The following HCRTR2 variants were observed in gnomAD, a reference collection of about 807,000 sequenced individuals.
The protein encoded by HCRTR2 is orexin receptor type 2.
A neutral mutation model predicts 49.0 loss-of-function variants in HCRTR2; 22 were observed. The ratio of observed to expected loss-of-function variants is 0.45; its 90% CI spans 0.32 to 0.64. The LOEUF (loss-of-function observed/expected upper bound fraction) is 0.64, where lower values mean the gene tolerates loss of function less well. Ranked by LOEUF, HCRTR2 falls within the 30% of genes least tolerant of loss-of-function variation. HCRTR2 has a pLI of 0.04. For missense variants in HCRTR2, 491 were observed against 559.4 expected (o/e 0.88, Z 1.23); for synonymous variants, 236 against 205.3 (o/e 1.15, Z -1.28).
chr6:55,183,478 A>T (rs998042512), intron 1 of HCRTR2, among the ~76,000 whole-genome samples: 7 of 152,198 alleles, frequency 4.6e-5, no homozygotes, highest in African/African-American at 7.2e-5. Context: ...GTAAATAAGG[A>T]TTGGCCATAA....
At chr6:55,230,651 C>T (rs1766096010) in intron 1 of HCRTR2, among the ~76,000 whole-genome samples, 1 of 152,120 alleles carries the variant, frequency 6.6e-6, no homozygotes, top group African/African-American at 2.4e-5. Flanking sequence ...ACTTAAACCA[C>T]AGTACACAGT....
chr6:55,258,803 A>T (rs2127319364), intron 3 of HCRTR2, among the ~76,000 whole-genome samples: 1 of 152,266 alleles, frequency 6.6e-6, no homozygotes, highest in South Asian at 2.1e-4. Flanking sequence ...CTGTAATCCC[A>T]GCACTTTGGG....
chr6:55,146,395 C>T (rs1468134222), intron 1 of HCRTR2, among the ~76,000 whole-genome samples: 5 of 152,038 alleles, frequency 3.3e-5, no homozygotes, highest in Admixed American at 6.6e-5. Flanking sequence ...GACTTGCAGG[C>T]ATTAATTTTC....
rs1476903099 is a variant in HCRTR2 at position 55,277,506 on chromosome 6, C to T, written c.889C>T (p.Arg297Ter). 2 of 1,614,044 alleles carry T rather than the reference C, an allele frequency of 1.2e-6. No individual in the cohort carries two copies. Among genetic ancestry groups the T allele is most frequent in the Non-Finnish European group, 8.5e-7 (1 of 1,179,996 alleles). ...SAVAAEIKQI[R>*]ARRKTARMLM... ...TGTGGCGGCTGAAATAAAGCAGATC[C>T]GAGCCAGAAGGAAAACAGCCCGGAT... The change falls in exon 5 of 7, where the codon CGA becomes TGA. Residue 297 changes from arginine to a stop codon, truncating the protein, a stop_gained. Coordinates refer to ENST00000370862, the MANE Select transcript of HCRTR2 (RefSeq NM_001384272.1). LOFTEE classifies it high-confidence loss of function.
At chr6:55,240,741 G>T (rs749626847) in intron 1 of HCRTR2, 4 of 388,820 alleles carry the variant, frequency 1.0e-5, no homozygotes, top group Middle Eastern at 3.7e-4. Context: ...AGCTTCCCAG[G>T]TTCTTAAGTC....
rs145042980 is a variant in HCRTR2, at chr6:55,184,671, A to G, written c.223+9861A>G. On this transcript the variant is annotated intron_variant, in intron 1 of 6. Transcript: ENST00000370862. ...TCCCTACAGGTTGGCATGGTAACAC[A>G]CTTCACAATTTCTAAATCTGTGGAT... Among the ~76,000 whole-genome samples the G allele has an allele frequency of 2.0e-4, 31 of 152,332 alleles. 1 individual carries two copies. The East Asian group carries it at 5.8e-3, about 28-fold the overall frequency.
intron 1 of HCRTR2, among the ~76,000 whole-genome samples, chr6:55,117,874 T>A (rs1764140540): frequency 1.3e-5 from 1 of 77,280 alleles, no homozygotes; most frequent in South Asian, 5.1e-4. Flanking sequence ...CTGTTTGTTT[T>A]TTTTTCTGTT....
intron 3 of HCRTR2, among the ~76,000 whole-genome samples, chr6:55,262,573 T>C (rs1766785975): frequency 7.5e-6 from 1 of 133,918 alleles, no homozygotes; most frequent in African/African-American, 2.8e-5. Context: ...TATATTTATA[T>C]ATAAATAAAA....
chr6:55,269,564 C>T (rs1456530161), intron 4 of HCRTR2, among the ~76,000 whole-genome samples: 1 of 151,980 alleles, frequency 6.6e-6, no homozygotes, highest in East Asian at 1.9e-4. Flanking sequence ...CATTTTTATA[C>T]ATTAGCAAAT....
rs1483091550 is a variant in HCRTR2, at chr6:55,227,779, T to C, written c.224-20860T>C. ...AAAAAGGAAGAGTCAATTTCTACTGTGAACAAAGCAAAAAGCAAAAGGAGA... is the reference window on the plus strand; with the variant it reads ...AAAAAGGAAGAGTCAATTTCTACTGCGAACAAAGCAAAAAGCAAAAGGAGA... On this transcript the variant is annotated intron_variant, in intron 1 of 6. Coordinates refer to ENST00000370862, the MANE Select transcript of HCRTR2 (RefSeq NM_001384272.1). Among the ~76,000 whole-genome samples, 3 of 151,974 alleles carry C rather than the reference T, an allele frequency of 2.0e-5. No individual in the cohort carries two copies. The East Asian group carries it at 5.8e-4, about 29-fold the overall frequency.
chr6:55,178,917 G>A (rs764935594), intron 1 of HCRTR2, among the ~76,000 whole-genome samples: 2 of 152,118 alleles, frequency 1.3e-5, no homozygotes, highest in Non-Finnish European at 2.9e-5. Flanking sequence ...TGATAGGCAG[G>A]TCTATCACTA....
chr6:55,277,827 C>A (rs1767108380), intron 5 of HCRTR2, among the ~76,000 whole-genome samples: 1 of 152,140 alleles, frequency 6.6e-6, no homozygotes, highest in Non-Finnish European at 1.5e-5. Flanking sequence ...GCATGGCAGA[C>A]ATAAAACAGA....
chr6:55,161,862 G>A (rs553763771), intron 1 of HCRTR2, among the ~76,000 whole-genome samples: 81 of 152,110 alleles, frequency 5.3e-4, no homozygotes, highest in Non-Finnish European at 9.1e-4. Flanking sequence ...ATGAAAAAAA[G>A]CCCAGGACCA....
Position 55,261,470 on chromosome 6 carries a change from T to C in HCRTR2, c.647-2237T>C, listed in dbSNP as rs538160290. Among the ~76,000 whole-genome samples, 4 of 152,112 alleles carry C rather than the reference T, an allele frequency of 2.6e-5. No individual in the cohort carries two copies. The South Asian group carries it at 8.3e-4, about 32-fold the overall frequency. On this transcript the variant is annotated intron_variant, in intron 3 of 6. Coordinates refer to ENST00000370862, the MANE Select transcript of HCRTR2 (RefSeq NM_001384272.1). ...CCCAGGCTGGAGTGCAGTGGCATGA[T>C]CTCAGCTCTCTGCGACCTCCACCTC...
chr6:55,162,649 A>G (rs1340870327), intron 1 of HCRTR2, among the ~76,000 whole-genome samples: 1 of 152,234 alleles, frequency 6.6e-6, no homozygotes. Context: ...GTCTCAGGAT[A>G]CAAAATCAAT....
intron 5 of HCRTR2, among the ~76,000 whole-genome samples, chr6:55,278,376 G>T (rs936235768): frequency 5.3e-5 from 8 of 152,086 alleles, no homozygotes; most frequent in Non-Finnish European, 1.0e-4. Flanking sequence ...AACAGGCTTC[G>T]AACTTAAGCT....
At chr6:55,178,752 C>T (rs974108816) in intron 1 of HCRTR2, among the ~76,000 whole-genome samples, 2 of 152,206 alleles carry the variant, frequency 1.3e-5, no homozygotes, top group African/African-American at 4.8e-5. Flanking sequence ...TAGCTCCACC[C>T]ACCCATCTCC....
At chr6:55,283,706 T>C (rs995529870), downstream of HCRTR2, among the ~76,000 whole-genome samples, 1 of 152,220 alleles carries the variant, frequency 6.6e-6, no homozygotes, top group Non-Finnish European at 1.5e-5. Context: ...TTTCATCTCC[T>C]ATTATGGTAA....
intron 1 of HCRTR2, among the ~76,000 whole-genome samples, chr6:55,107,163 T>A (rs1479962835): frequency 6.6e-6 from 1 of 152,208 alleles, no homozygotes; most frequent in Admixed American, 6.6e-5. Context: ...TATTTTCTGG[T>A]AATTATTCTT....
Sources: gnomAD v4.1 joint callset for allele counts (sites outside exome capture counted in the v4.1 genomes callset) on GRCh38, gnomAD v4.1.1 for gene constraint, MANE v1.5 for transcripts, NCBI Gene and HGNC (gene_info 2026-07-23, HGNC 2026-07-21) for gene names.